The following CSMD2 variants were observed in gnomAD, a reference collection of about 807,000 sequenced individuals.
CSMD2 encodes the protein CUB and Sushi multiple domains 2.
Under a neutral mutation model 398.5 loss-of-function variants are expected in CSMD2, and 130 were observed. That is an observed-to-expected ratio of 0.33 (90% CI 0.28 to 0.38). The LOEUF (loss-of-function observed/expected upper bound fraction) is 0.38. CSMD2 is among the 10% of genes least tolerant of loss of function. The pLI, the probability that CSMD2 is intolerant of heterozygous loss-of-function variation, is 1.00. For synonymous variants in CSMD2, 1,828 were observed against 1,908.5 expected (o/e 0.96, Z 1.10); for missense variants, 3,829 against 4,764.9 (o/e 0.80, Z 5.78).
intron 11 of CSMD2, 57 bp downstream of exon 11, chr1:33,792,366 C>T: frequency 7.8e-7 from 1 of 1,289,742 alleles, no homozygotes; most frequent in Admixed American, 1.7e-5. Context: ...ACAAACCCCA[C>T]CCCACCAACC....
chr1:33,898,442 T>G (rs1318830563), intron 5 of CSMD2, among the ~76,000 whole-genome samples: 1 of 152,232 alleles, frequency 6.6e-6, no homozygotes. Flanking sequence ...AGCAGCTGAC[T>G]ATCACAGATA....
intron 44 of CSMD2, chr1:33,600,274 G>A (rs933562639): frequency 1.5e-6 from 1 of 664,946 alleles, no homozygotes. Context: ...TCATTCCATA[G>A]ATAGGCACAA....
chr1:33,733,643 C>T (rs1646790958), intron 15 of CSMD2, among the ~76,000 whole-genome samples: 1 of 152,084 alleles, frequency 6.6e-6, no homozygotes, highest in Admixed American at 6.5e-5. Context: ...GGGGCAGTTT[C>T]CCCCATGCTG....
chr1:34,039,359 C>T (rs963972484), intron 2 of CSMD2, among the ~76,000 whole-genome samples: 8 of 152,216 alleles, frequency 5.3e-5, no homozygotes, highest in Non-Finnish European at 1.0e-4. Flanking sequence ...TCCGCAGCCA[C>T]GGTCTCTGAG....
Position 33,783,232 on chromosome 1 carries a change from G to A in CSMD2, c.1663+5368C>T, listed in dbSNP as rs542163557. 8.5e-4 allele frequency among the ~76,000 whole-genome samples: 130 copies of A among 152,058 alleles called. 1 individual carries two copies. Among genetic ancestry groups the A allele is most frequent in the Non-Finnish European group, 4.9e-4 (33 of 68,014 alleles). ...GGGCAGAGATGGCGAGCTTGGTTTT[G>A]GATGGTATTACGGACTGAACTTGTG... On this transcript the variant is annotated intron_variant, in intron 12 of 70. Coordinates refer to ENST00000373381, the MANE Select transcript of CSMD2 (RefSeq NM_001281956.2).
intron 10 of CSMD2, among the ~76,000 whole-genome samples, chr1:33,798,048 C>T (rs947251027): frequency 8.5e-5 from 13 of 152,280 alleles, no homozygotes; most frequent in East Asian, 5.8e-4. Flanking sequence ...AGTTTCAGGA[C>T]GAGCCTCTAG....
At chr1:33,669,194 A>G (rs566990572) in intron 25 of CSMD2, among the ~76,000 whole-genome samples, 1 of 152,188 alleles carries the variant, frequency 6.6e-6, no homozygotes, top group Non-Finnish European at 1.5e-5. Context: ...CCTTTCTTTT[A>G]CACCATCTTC....
At chr1:33,604,221 G>A (rs1484515502) in intron 42 of CSMD2, among the ~76,000 whole-genome samples, 1 of 152,244 alleles carries the variant, frequency 6.6e-6, no homozygotes, top group Non-Finnish European at 1.5e-5. Context: ...AGCCCAGGAT[G>A]AGGCTTGTTG....
intron 25 of CSMD2, among the ~76,000 whole-genome samples, chr1:33,675,058 G>A (rs1309165231): frequency 6.6e-6 from 1 of 152,120 alleles, no homozygotes; most frequent in Admixed American, 6.5e-5. Context: ...ACTAGAGAAG[G>A]AAGAGCAAAC....
intron 44 of CSMD2, chr1:33,599,752 T>G (rs564914306): frequency 5.9e-6 from 1 of 169,476 alleles, no homozygotes; most frequent in Non-Finnish European, 1.3e-5. Context: ...CATTCCCACA[T>G]TGCACTCACC....
At chr1:33,602,291 G>C (rs1036756096) in intron 43 of CSMD2, 78 bp downstream of exon 43, 5 of 1,501,144 alleles carry the variant, frequency 3.3e-6, no homozygotes, top group Non-Finnish European at 4.6e-6. Context: ...TAAACCAATA[G>C]GTAACTGACT....
chr1:34,023,919 T>A (rs1311055500), intron 3 of CSMD2, among the ~76,000 whole-genome samples: 1 of 152,178 alleles, frequency 6.6e-6, no homozygotes, highest in African/African-American at 2.4e-5. Flanking sequence ...ACGAATTGGT[T>A]GTTTTTGAAT....
At chr1:34,143,091 G>T (rs1639454911) in intron 1 of CSMD2, among the ~76,000 whole-genome samples, 2 of 152,216 alleles carry the variant, frequency 1.3e-5, no homozygotes, top group Non-Finnish European at 2.9e-5. Flanking sequence ...CTCAGACTAT[G>T]TCTATAAAAT....
At chr1:33,788,815 C>T (rs6425838) in intron 11 of CSMD2, 103 bp from the exon 12 acceptor site, 208,551 of 745,722 alleles carry the variant, frequency 0.28, 30,691 homozygotes, top group African/African-American at 0.38. Context: ...GATCCAGGCC[C>T]GCTCGGGCAA....
At chr1:33,977,678 T>TGCC (rs1306621805) in intron 3 of CSMD2, among the ~76,000 whole-genome samples, 1 of 151,902 alleles carries the variant, frequency 6.6e-6, no homozygotes, top group Non-Finnish European at 1.5e-5. Flanking sequence ...CTCCTGCTGC[T>TGCC]GCCTCTGCCT....
At chr1:33,668,190 G>A (rs1381018069) in intron 25 of CSMD2, among the ~76,000 whole-genome samples, 2 of 152,190 alleles carry the variant, frequency 1.3e-5, no homozygotes, top group African/African-American at 4.8e-5. Context: ...GCGACACTGG[G>A]CCAGGAGAGG....
At chr1:33,661,264 T>C (rs1644122827) in intron 26 of CSMD2, among the ~76,000 whole-genome samples, 1 of 152,228 alleles carries the variant, frequency 6.6e-6, no homozygotes, top group Non-Finnish European at 1.5e-5. Flanking sequence ...CTTTAATTAT[T>C]CATAATACTT....
At position 33,587,100 on chromosome 1, in the gene CSMD2, C is replaced by A; in HGVS notation, c.6925G>T (p.Glu2309Ter). The change falls in exon 45 of 71, where the codon GAA becomes TAA. Residue 2309 changes from glutamate (E) to a stop codon, truncating the protein, a stop_gained. Coordinates refer to ENST00000373381, the MANE Select transcript of CSMD2 (RefSeq NM_001281956.2). LOFTEE classifies it high-confidence loss of function. The part of the protein sequence containing the change: ...PNAEVVTENE[E>*]FNIGDIVRYR... ...TGGGAGGTGGTACCTATATTGAATT[C>A]TTCATTCTCTGTGACGACTTCGGCG... 6.2e-7 allele frequency: 1 copy of A among 1,605,972 alleles called. No homozygotes were observed. The highest frequency in any genetic ancestry group is 8.5e-7 in the Non-Finnish European group (1 of 1,176,402).
chr1:33,889,011 C>A (rs1641799153), intron 5 of CSMD2, among the ~76,000 whole-genome samples: 2 of 152,072 alleles, frequency 1.3e-5, no homozygotes, highest in East Asian at 1.9e-4. Context: ...ACCTTGTGAT[C>A]CGCCCACCTT....
Sources: gnomAD v4.1 joint callset for allele counts (sites outside exome capture counted in the v4.1 genomes callset) on GRCh38, gnomAD v4.1.1 for gene constraint, MANE v1.5 for transcripts, NCBI Gene and HGNC (gene_info 2026-07-23, HGNC 2026-07-21) for gene names.